SPECC1: variants seen among roughly 807,000 people sequenced by gnomAD.
The protein encoded by SPECC1 is cytospin-B.
In SPECC1, 62 loss-of-function variants were observed where a neutral mutation model predicts 104.1. That is an observed-to-expected ratio of 0.60 (90% CI 0.49 to 0.74). SPECC1 has a LOEUF of 0.74. Ranked by LOEUF, SPECC1 falls within the 30% of genes least tolerant of loss-of-function variation. The probability of loss-of-function intolerance (pLI) is 0.00; values close to 1 mark genes in which losing one functional copy is unlikely to be tolerated. For synonymous variants in SPECC1, 513 were observed against 501.6 expected (o/e 1.02, Z -0.30); for missense variants, 1,306 against 1,310.5 (o/e 1.00, Z 0.05).
At chr17:20,051,248 C>T (rs1377958453) in intron 1 of SPECC1, among the ~76,000 whole-genome samples, 1 of 151,312 alleles carries the variant, frequency 6.6e-6, no homozygotes. Context: ...CAATCTTGGC[C>T]CACTGCAACC....
chr17:20,236,901 AAGAC>A (rs1567972209), intron 7 of SPECC1: 1 of 1,613,786 alleles, frequency 6.2e-7, no homozygotes. Context: ...TGGTGGAAGA[AAGAC>A]AGCCCAGCTC....
Position 20,315,340 on chromosome 17 carries a change from G to A in SPECC1, c.*1275G>A, listed in dbSNP as rs1181972723. ...CAGCATCCTACTGGTCACCTTAAGTGGCAGCAGAGCCCTCCCCAGCGGTGC... is the reference window on the plus strand; with the variant it reads ...CAGCATCCTACTGGTCACCTTAAGTAGCAGCAGAGCCCTCCCCAGCGGTGC... On this transcript the variant is annotated 3_prime_UTR_variant, in exon 15 of 15. Transcript: ENST00000395527. 1 of 232,820 alleles carries A rather than the reference G, an allele frequency of 4.3e-6. No individual in the cohort carries two copies. Among genetic ancestry groups the A allele is most frequent in the Non-Finnish European group, 8.5e-6 (1 of 117,884 alleles). The allele number at this position is 232,820 out of a possible 1,614,324, so 14.4% of individuals were successfully genotyped here.
At chr17:20,020,240 T>C (rs1210283566) in intron 1 of SPECC1, among the ~76,000 whole-genome samples, 1 of 152,270 alleles carries the variant, frequency 6.6e-6, no homozygotes, top group Non-Finnish European at 1.5e-5. Flanking sequence ...TTTCATTCAA[T>C]CTGAGTGTGG....
At chr17:20,076,951 T>C (rs920651702) in intron 1 of SPECC1, among the ~76,000 whole-genome samples, 1 of 152,236 alleles carries the variant, frequency 6.6e-6, no homozygotes, top group Non-Finnish European at 1.5e-5. Flanking sequence ...GGCTGAACAT[T>C]TTTTACATGC....
At chr17:20,274,665 A>G (rs2151645231) in intron 12 of SPECC1, among the ~76,000 whole-genome samples, 1 of 151,706 alleles carries the variant, frequency 6.6e-6, no homozygotes, top group South Asian at 2.1e-4. Context: ...TGTTTTTAGT[A>G]GAGACGAGGT....
At chr17:20,226,149 G>A (rs2038190422) in intron 4 of SPECC1, among the ~76,000 whole-genome samples, 1 of 152,118 alleles carries the variant, frequency 6.6e-6, no homozygotes, top group South Asian at 2.1e-4. Context: ...ATTTAGTAAT[G>A]TTAATTAAAG....
At chr17:20,153,436 C>T (rs1024007469) in intron 3 of SPECC1, among the ~76,000 whole-genome samples, 1 of 152,194 alleles carries the variant, frequency 6.6e-6, no homozygotes, top group Non-Finnish European at 1.5e-5. Context: ...GTCAGATTTG[C>T]ATTTTTGATA....
At chr17:20,275,409 C>T (rs549907253) in intron 12 of SPECC1, among the ~76,000 whole-genome samples, 1 of 152,238 alleles carries the variant, frequency 6.6e-6, no homozygotes, top group African/African-American at 2.4e-5. Flanking sequence ...CCTGTATCAT[C>T]TGTATATAGT....
chr17:20,085,235 AAG>A (rs1032566099), intron 1 of SPECC1, among the ~76,000 whole-genome samples: 3 of 152,120 alleles, frequency 2.0e-5, no homozygotes, highest in Non-Finnish European at 2.9e-5. Context: ...TCCTCCAACA[AAG>A]AGGAGGTGGA....
At chr17:20,048,086 C>T (rs921619119) in intron 1 of SPECC1, among the ~76,000 whole-genome samples, 7 of 151,978 alleles carry the variant, frequency 4.6e-5, no homozygotes, top group Non-Finnish European at 8.8e-5. Context: ...TTTAACCTCT[C>T]ACTAAGCTGA....
intron 4 of SPECC1, among the ~76,000 whole-genome samples, chr17:20,217,974 A>G (rs954752176): frequency 6.6e-6 from 1 of 152,128 alleles, no homozygotes; most frequent in Non-Finnish European, 1.5e-5. Flanking sequence ...AGAGGCTGCA[A>G]TGACCCGTGA....
intron 1 of SPECC1, among the ~76,000 whole-genome samples, chr17:20,030,071 C>T (rs1444821079): frequency 6.6e-6 from 1 of 152,174 alleles, no homozygotes; most frequent in Non-Finnish European, 1.5e-5. Flanking sequence ...ACCTTGATTG[C>T]AGGTGTTTAG....
At chr17:20,219,001 G>A (rs1454438067) in intron 4 of SPECC1, among the ~76,000 whole-genome samples, 1 of 152,114 alleles carries the variant, frequency 6.6e-6, no homozygotes, top group Non-Finnish European at 1.5e-5. Context: ...TTTTATGGCT[G>A]AATACTCTGT....
chr17:20,235,136 G>T (rs1407251842), intron 7 of SPECC1, among the ~76,000 whole-genome samples: 1 of 152,214 alleles, frequency 6.6e-6, no homozygotes, highest in Non-Finnish European at 1.5e-5. Context: ...TCTCTGGACT[G>T]GTTGGTTAGC....
chr17:20,069,075 C>T (rs2046457123), intron 1 of SPECC1, among the ~76,000 whole-genome samples: 1 of 152,170 alleles, frequency 6.6e-6, no homozygotes. Context: ...GGAAGTAAGC[C>T]CAGTACCCAA....
At chr17:20,201,839 A>G (rs1352793182) in intron 3 of SPECC1, among the ~76,000 whole-genome samples, 2 of 152,234 alleles carry the variant, frequency 1.3e-5, no homozygotes, top group Non-Finnish European at 2.9e-5. Flanking sequence ...GTGTGGGTCC[A>G]TTTATATGGA....
At chr17:20,153,794 AC>A (rs2032223324) in intron 3 of SPECC1, among the ~76,000 whole-genome samples, 1 of 152,242 alleles carries the variant, frequency 6.6e-6, no homozygotes, top group South Asian at 2.1e-4. Context: ...TGTCACTCTT[AC>A]CATGATCACA....
chr17:20,107,982 A>G (rs1052944830), intron 2 of SPECC1, among the ~76,000 whole-genome samples: 5 of 152,178 alleles, frequency 3.3e-5, no homozygotes, highest in African/African-American at 1.2e-4. Flanking sequence ...TGCCTGTGTA[A>G]CAGAGCAAGA....
At chr17:20,173,215 C>A (rs1268739331) in intron 3 of SPECC1, among the ~76,000 whole-genome samples, 2 of 152,210 alleles carry the variant, frequency 1.3e-5, no homozygotes, top group African/African-American at 4.8e-5. Context: ...CTAGCCTTTG[C>A]CCTGGCATGA....
Sources: gnomAD v4.1 joint callset for allele counts (sites outside exome capture counted in the v4.1 genomes callset) on GRCh38, gnomAD v4.1.1 for gene constraint, MANE v1.5 for transcripts, NCBI Gene and HGNC (gene_info 2026-07-23, HGNC 2026-07-21) for gene names.